Variants in DTNA observed in about 807,000 individuals in gnomAD.
DTNA encodes the protein dystrophin-related protein 3.
DTNA carries 43 observed loss-of-function variants against 100.7 expected under a neutral mutation model. The observed-to-expected ratio is 0.43, with a 90% CI of 0.33 to 0.55. The LOEUF is 0.55. DTNA is among the 20% of genes least tolerant of loss of function. DTNA has a pLI of 0.04. For synonymous variants in DTNA, 349 were observed against 347.9 expected, an observed-to-expected ratio of 1.00 and a Z score of -0.04; for missense variants, 798 against 953.9, an observed-to-expected ratio of 0.84 and a Z score of 2.15.
At chr18:34,825,230 A>C in intron 9 of DTNA, 5 of 1,613,004 alleles carry the variant, frequency 3.1e-6, no homozygotes, top group Non-Finnish European at 3.4e-6. Flanking sequence ...ACCATGATTA[A>C]CGGTCTCTAT....
intron 1 of DTNA, among the ~76,000 whole-genome samples, chr18:34,601,832 G>A (rs2051906638): frequency 6.6e-6 from 1 of 152,180 alleles, no homozygotes. Flanking sequence ...CACTCAGGGA[G>A]TCCTGCCCAT....
At chr18:34,646,802 G>A (rs867153186) in intron 1 of DTNA, among the ~76,000 whole-genome samples, 6 of 152,010 alleles carry the variant, frequency 3.9e-5, no homozygotes, top group South Asian at 2.1e-4. Flanking sequence ...TGCAACCTCC[G>A]CCTCCCGGAT....
chr18:34,808,389 C>T (rs1318833740), intron 5 of DTNA, among the ~76,000 whole-genome samples: 1 of 152,186 alleles, frequency 6.6e-6, no homozygotes, highest in Admixed American at 6.5e-5. Context: ...GCCCTTACAG[C>T]TCATCACCTA....
intron 9 of DTNA, among the ~76,000 whole-genome samples, chr18:34,824,467 C>T (rs372253580): frequency 3.3e-5 from 5 of 150,052 alleles, no homozygotes; most frequent in African/African-American, 4.9e-5. Context: ...CAGAGCAAGA[C>T]GCCATCTCAA....
At chr18:34,540,355 G>A (rs2044132902) in intron 1 of DTNA, among the ~76,000 whole-genome samples, 1 of 151,974 alleles carries the variant, frequency 6.6e-6, no homozygotes, top group Non-Finnish European at 1.5e-5. Context: ...GTGGATATTA[G>A]CATTTATTTC....
rs532414507 is a variant in DTNA at position 34,809,442 on chromosome 18, C to T, written c.449-2517C>T. Among the ~76,000 whole-genome samples, 5 of 152,136 alleles carry T rather than the reference C, an allele frequency of 3.3e-5. No individual in the cohort carries two copies. The South Asian group carries it at 1.0e-3, about 32-fold the overall frequency. On this transcript the variant is annotated intron_variant, in intron 5 of 22. Coordinates refer to ENST00000444659, the MANE Select transcript of DTNA (RefSeq NM_001386795.1). The stretch of plus-strand genomic sequence containing the variant: ...CTACACTGGGCAACAGAGCGAGACT[C>T]CATCTCAAAAACACAAATCAAAACA...
chr18:34,558,614 A>G (rs2046350909), intron 1 of DTNA, among the ~76,000 whole-genome samples: 1 of 152,194 alleles, frequency 6.6e-6, no homozygotes, highest in Non-Finnish European at 1.5e-5. Context: ...AAGCCGTTGA[A>G]GAGAAGAGAA....
At chr18:34,883,694 A>G (rs1303841584) in intron 21 of DTNA, among the ~76,000 whole-genome samples, 1 of 152,202 alleles carries the variant, frequency 6.6e-6, no homozygotes, top group Non-Finnish European at 1.5e-5. Flanking sequence ...ATTATCTCCT[A>G]TTTCTCATAT....
At chr18:34,786,687 G>A (rs573094018) in intron 3 of DTNA, among the ~76,000 whole-genome samples, 1 of 152,106 alleles carries the variant, frequency 6.6e-6, no homozygotes, top group South Asian at 2.1e-4. Context: ...ATTCCCAATA[G>A]CAGATCAACA....
At chr18:34,684,480 G>A (rs1342427152) in intron 1 of DTNA, among the ~76,000 whole-genome samples, 1 of 151,880 alleles carries the variant, frequency 6.6e-6, no homozygotes, top group Admixed American at 6.6e-5. Context: ...ACATGAACTC[G>A]TTCTTTTTTT....
chr18:34,744,163 C>A (rs968277342), intron 1 of DTNA, among the ~76,000 whole-genome samples: 1 of 152,062 alleles, frequency 6.6e-6, no homozygotes, highest in Admixed American at 6.5e-5. Context: ...AATAAACTTC[C>A]CATGGTGAAA....
At chr18:34,596,073 C>A (rs1248992441) in intron 1 of DTNA, among the ~76,000 whole-genome samples, 1 of 152,156 alleles carries the variant, frequency 6.6e-6, no homozygotes, top group East Asian at 1.9e-4. Context: ...ATTCTCAGAT[C>A]TTTTTTCCTG....
intron 13 of DTNA, among the ~76,000 whole-genome samples, chr18:34,846,012 A>G (rs1164719498): frequency 6.6e-6 from 1 of 152,038 alleles, no homozygotes; most frequent in Non-Finnish European, 1.5e-5. Context: ...TCTCTCTTTT[A>G]TATCGTTTAT....
intron 1 of DTNA, among the ~76,000 whole-genome samples, chr18:34,561,537 C>A (rs1482694710): frequency 6.6e-6 from 1 of 151,998 alleles, no homozygotes; most frequent in African/African-American, 2.4e-5. Flanking sequence ...GGCTTTCTTA[C>A]AATGCTATTG....
intron 1 of DTNA, among the ~76,000 whole-genome samples, chr18:34,582,994 G>A (rs1444825254): frequency 6.6e-6 from 1 of 152,168 alleles, no homozygotes; most frequent in Non-Finnish European, 1.5e-5. Context: ...AATTTTACTT[G>A]TCTTGACTAG....
At chr18:34,673,153 C>G in intron 1 of DTNA, among the ~76,000 whole-genome samples, 1 of 152,156 alleles carries the variant, frequency 6.6e-6, no homozygotes, top group East Asian at 1.9e-4. Flanking sequence ...GTGGCACAAT[C>G]TTGGCTCACT....
At chr18:34,866,617 A>G (rs2096707404) in intron 17 of DTNA, 2 of 1,010,746 alleles carry the variant, frequency 2.0e-6, no homozygotes, top group Non-Finnish European at 2.4e-6. Flanking sequence ...ACCTCTTTTT[A>G]TAAAAATCAG....
chr18:34,563,067 C>G (rs1321366301), intron 1 of DTNA, among the ~76,000 whole-genome samples: 2 of 152,278 alleles, frequency 1.3e-5, no homozygotes, highest in South Asian at 4.1e-4. Flanking sequence ...GACTAGCTTC[C>G]TCCAAAATGT....
chr18:34,618,571 G>A (rs758633564), intron 1 of DTNA, among the ~76,000 whole-genome samples: 1 of 152,068 alleles, frequency 6.6e-6, no homozygotes, highest in Non-Finnish European at 1.5e-5. Flanking sequence ...TTCTGCCTAT[G>A]TCATTTTTGG....
Sources: gnomAD v4.1 joint callset for allele counts (sites outside exome capture counted in the v4.1 genomes callset) on GRCh38, gnomAD v4.1.1 for gene constraint, MANE v1.5 for transcripts, NCBI Gene and HGNC (gene_info 2026-07-23, HGNC 2026-07-21) for gene names.